Variants in TMEM181 observed in about 807,000 individuals in gnomAD.
TMEM181 encodes the protein G protein-coupled receptor 178.
A neutral mutation model predicts 71.9 loss-of-function variants in TMEM181; 39 were observed. That is an observed-to-expected ratio of 0.54 (90% confidence interval 0.42 to 0.71). TMEM181 has a LOEUF of 0.71. TMEM181 is among the 30% of genes least tolerant of loss of function. The probability of loss-of-function intolerance (pLI) is 0.00; values close to 1 mark genes in which losing one functional copy is unlikely to be tolerated. For missense variants in TMEM181, 595 were observed against 583.0 expected, an observed-to-expected ratio of 1.02 and a Z score of -0.21; for synonymous variants, 245 against 228.8, an observed-to-expected ratio of 1.07 and a Z score of -0.64.
intron 6 of TMEM181, 130 bp from the exon 7 acceptor site, chr6:158,605,127 AAAAAGTGTGT>A: frequency 2.2e-6 from 1 of 446,966 alleles, no homozygotes; most frequent in Non-Finnish European, 3.6e-6. Context: ...AAAAAAAAAA[AAAAAGTGTGT>A]GTGTGTGTGT....
chr6:158,555,398 G>T (rs139980897), upstream of TMEM181, among the ~76,000 whole-genome samples: 4 of 152,270 alleles, frequency 2.6e-5, no homozygotes, highest in Non-Finnish European at 5.9e-5. Flanking sequence ...CCTTAAAAGA[G>T]ATGATCCTTA....
intron 1 of TMEM181, among the ~76,000 whole-genome samples, chr6:158,546,177 C>G (rs1291918122): frequency 6.6e-6 from 1 of 152,182 alleles, no homozygotes; most frequent in Non-Finnish European, 1.5e-5. Context: ...TGGTGACAAG[C>G]TGGGAGCTCC....
At chr6:158,629,388 A>T (rs1255022418) in intron 14 of TMEM181, among the ~76,000 whole-genome samples, 1 of 152,128 alleles carries the variant, frequency 6.6e-6, no homozygotes, top group Non-Finnish European at 1.5e-5. Context: ...GATTCACCGT[A>T]TGCCCGTGGC....
In TMEM181 at chr6:158,608,640, C is replaced by G. The variant is rs374943918; in HGVS notation, c.805-19C>G. The G allele has an allele frequency of 1.0e-5, 16 of 1,600,220 alleles. No individual in the cohort carries two copies. The highest frequency in any genetic ancestry group is 1.4e-5 in the Non-Finnish European group (16 of 1,175,906). ...ATTTGGTTTTCTTTATTTCTTACTT[C>G]TTATTTTTTTCTTTTTAGGGAGAAA... On this transcript the variant is annotated intron_variant, in intron 9 of 16. Transcript: ENST00000684151.
chr6:158,615,993 T>G (rs928690010), intron 10 of TMEM181, among the ~76,000 whole-genome samples: 1 of 141,904 alleles, frequency 7.0e-6, no homozygotes, highest in Admixed American at 7.0e-5. Flanking sequence ...ATATAAACTT[T>G]AAAGTAGTTT....
intron 3 of TMEM181, 152 bp from the exon 4 acceptor site, chr6:158,583,802 T>TA (rs1304326583): frequency 8.3e-5 from 46 of 551,678 alleles, no homozygotes; most frequent in Middle Eastern, 4.8e-4. Context: ...TCCATCAAAA[T>TA]AAAAAAAAGA....
intron 6 of TMEM181, among the ~76,000 whole-genome samples, chr6:158,591,753 ATG>A (rs1784122527): frequency 1.3e-5 from 2 of 152,140 alleles, no homozygotes; most frequent in South Asian, 2.1e-4. Flanking sequence ...CAAGCCTTTT[ATG>A]GTTCTCAGCA....
At chr6:158,556,115 C>G (rs1781875925), upstream of TMEM181, among the ~76,000 whole-genome samples, 1 of 152,162 alleles carries the variant, frequency 6.6e-6, no homozygotes, top group Non-Finnish European at 1.5e-5. Context: ...AAGGACTTTT[C>G]AGAAAAGACA....
chr6:158,588,937 T>C (rs1783939551), intron 5 of TMEM181, among the ~76,000 whole-genome samples: 1 of 152,172 alleles, frequency 6.6e-6, no homozygotes, highest in Non-Finnish European at 1.5e-5. Context: ...GGGCAGAGCT[T>C]GCTGGGGAGG....
intron 1 of TMEM181, chr6:158,572,285 A>G (rs910482754): frequency 3.8e-5 from 15 of 390,114 alleles, no homozygotes; most frequent in Non-Finnish European, 6.1e-5. Flanking sequence ...GAAGCCAGTA[A>G]CCTTCCTGCA....
At chr6:158,589,819 A>C in intron 6 of TMEM181, 37 bp downstream of exon 6, 94 of 1,380,590 alleles carry the variant, frequency 6.8e-5, no homozygotes, top group Non-Finnish European at 8.9e-5. Context: ...TCCATGGCTC[A>C]TGTTCTAGTT....
In TMEM181 at chr6:158,625,734, T is replaced by C; in HGVS notation, c.1089T>C (p.Thr363=). Residue 363 remains threonine (T), a synonymous_variant, in exon 13 of 17, where the codon ACT becomes ACC. Transcript: ENST00000684151. ...DLRLKFLTAL[T]FVVLVISIAI... ...GGTTGAAATTTTTGACTGCATTGAC[T>C]TTCGTAGTACTTGTCATTAGGTAAG... The C allele has an allele frequency of 6.2e-7, 1 of 1,611,186 alleles. No homozygotes were observed.
At chr6:158,599,155 T>G (rs1437683731) in intron 6 of TMEM181, among the ~76,000 whole-genome samples, 1 of 152,214 alleles carries the variant, frequency 6.6e-6, no homozygotes. Flanking sequence ...AGTCAGCTCC[T>G]GGAGGCCTTT....
intron 1 of TMEM181, among the ~76,000 whole-genome samples, chr6:158,553,580 T>A (rs1781783352): frequency 6.6e-6 from 1 of 152,244 alleles, no homozygotes; most frequent in Non-Finnish European, 1.5e-5. Flanking sequence ...TAGGCTGTGT[T>A]TATAGTTTTA....
intron 1 of TMEM181, among the ~76,000 whole-genome samples, chr6:158,551,897 A>G (rs1781734417): frequency 6.6e-6 from 1 of 152,210 alleles, no homozygotes; most frequent in South Asian, 2.1e-4. Flanking sequence ...TGACAGATAC[A>G]GTTTTTATGC....
intron 1 of TMEM181, among the ~76,000 whole-genome samples, chr6:158,542,839 G>A (rs1439365483): frequency 2.0e-5 from 3 of 149,816 alleles, no homozygotes; most frequent in African/African-American, 2.5e-5. Context: ...TGCTGACCTC[G>A]GAATCTGCCT....
chr6:158,561,828 A>G (rs1782197268), intron 1 of TMEM181, among the ~76,000 whole-genome samples: 1 of 152,084 alleles, frequency 6.6e-6, no homozygotes, highest in South Asian at 2.1e-4. Flanking sequence ...GGATGAGGGT[A>G]TCTGGAAATC....
At chr6:158,624,405 T>C (rs555988948) in intron 11 of TMEM181, among the ~76,000 whole-genome samples, 10 of 152,330 alleles carry the variant, frequency 6.6e-5, no homozygotes, top group African/African-American at 2.4e-4. Flanking sequence ...AGGGGAGCTC[T>C]GGCGCTGAGA....
At chr6:158,623,113 C>T (rs1412223479) in intron 10 of TMEM181, among the ~76,000 whole-genome samples, 1 of 152,196 alleles carries the variant, frequency 6.6e-6, no homozygotes, top group African/African-American at 2.4e-5. Flanking sequence ...AGTCCCCTGT[C>T]CCCAATTCCC....
Sources: allele counts gnomAD v4.1 joint callset (sites outside exome capture counted in the v4.1 genomes callset), GRCh38; gene constraint gnomAD v4.1.1; transcripts MANE v1.5; gene names NCBI Gene and HGNC (gene_info 2026-07-23, HGNC 2026-07-21).